The following EFL1 variants were observed in gnomAD, a reference collection of about 807,000 sequenced individuals.
EFL1 encodes the protein elongation factor-like GTPase 1.
In EFL1, 76 loss-of-function variants were observed where a neutral mutation model predicts 126.7. The ratio of observed to expected loss-of-function variants is 0.60; its 90% confidence interval spans 0.50 to 0.73. The LOEUF (loss-of-function observed/expected upper bound fraction) is 0.73. Ranked by LOEUF, EFL1 falls within the 30% of genes least tolerant of loss-of-function variation. EFL1 has a pLI of 0.00. For missense variants in EFL1, 1,128 were observed against 1,343.2 expected, an observed-to-expected ratio of 0.84 and a Z score of 2.50; for synonymous variants, 410 against 448.4, an observed-to-expected ratio of 0.91 and a Z score of 1.08.
At chr15:82,176,934 G>A (rs1471594615) in intron 15 of EFL1, among the ~76,000 whole-genome samples, 1 of 152,196 alleles carries the variant, frequency 6.6e-6, no homozygotes, top group African/African-American at 2.4e-5. Flanking sequence ...TAACATGAAT[G>A]AGCAAATCAC....
intron 15 of EFL1, among the ~76,000 whole-genome samples, 170 bp downstream of exon 15, chr15:82,214,547 A>G (rs917734050): frequency 6.6e-6 from 1 of 152,208 alleles, no homozygotes; most frequent in Admixed American, 6.5e-5. Context: ...ACAGCAAGAA[A>G]CTGATCTCCA....
chr15:82,173,089 G>A (rs1043422418), intron 15 of EFL1, among the ~76,000 whole-genome samples: 3 of 151,972 alleles, frequency 2.0e-5, no homozygotes, highest in Admixed American at 6.6e-5. Flanking sequence ...AAGTATTCAC[G>A]GTAATGTGTT....
intron 15 of EFL1, among the ~76,000 whole-genome samples, chr15:82,205,170 T>C (rs947182553): frequency 6.6e-6 from 1 of 152,218 alleles, no homozygotes; most frequent in Non-Finnish European, 1.5e-5. Flanking sequence ...AAATCATGAA[T>C]AGCCTATAGT....
At chr15:82,181,167 A>G (rs1595965041) in intron 15 of EFL1, among the ~76,000 whole-genome samples, 1 of 152,210 alleles carries the variant, frequency 6.6e-6, no homozygotes, top group East Asian at 1.9e-4. Context: ...TGAGTCTATT[A>G]GCAAATTTCC....
Position 82,151,581 on chromosome 15 carries a change from G to A in EFL1, c.2873C>T (p.Ser958Leu). The A allele has an allele frequency of 6.2e-7, 1 of 1,614,172 alleles. No homozygotes were observed. Among genetic ancestry groups the A allele is most frequent in the Non-Finnish European group, 8.5e-7 (1 of 1,180,034 alleles). The change falls in exon 18 of 20, where the codon TCA becomes TTA. Residue 958 changes from serine (S) to leucine (L), a missense_variant. Around this residue, in one of 6 missense-constraint regions of EFL1, gnomAD observed 561 missense variants for 641.7 expected, o/e 0.87. Transcript: ENST00000268206. The part of the protein sequence containing the change: ...SPLTDCYGPF[S>L]GQLIATMKEA... Reference sequence around the variant, plus strand: ...TTTCATGGTGGCAATTAGCTGTCCTGAGAAAGGTCCATAGCAGTCAGTGAG... The same window carrying A: ...TTTCATGGTGGCAATTAGCTGTCCTAAGAAAGGTCCATAGCAGTCAGTGAG...
intron 15 of EFL1, among the ~76,000 whole-genome samples, chr15:82,183,971 T>C (rs2141263376): frequency 6.6e-6 from 1 of 152,302 alleles, no homozygotes; most frequent in Non-Finnish European, 1.5e-5. Flanking sequence ...CATGCCTGTG[T>C]CCATGGTTTT....
intron 19 of EFL1, among the ~76,000 whole-genome samples, chr15:82,136,662 C>T (rs1310595006): frequency 6.6e-6 from 1 of 152,140 alleles, no homozygotes; most frequent in Non-Finnish European, 1.5e-5. Flanking sequence ...CTTTTAAAAC[C>T]CATCCCTTAT....
At position 82,152,322 on chromosome 15, in the gene EFL1, T is replaced by C. The variant is rs2292071; in HGVS notation, c.2132A>G (p.Lys711Arg). The change falls in exon 18 of 20, where the codon AAA becomes AGA. Residue 711 changes from lysine (K) to arginine (R), a missense_variant. Physicochemically the swap from Lys to Arg is conservative, Grantham distance 26 (BLOSUM62 2). This residue lies in a region of EFL1 where 561 missense variants were observed against 641.7 expected (regional missense o/e 0.87). Coordinates refer to ENST00000268206, the MANE Select transcript of EFL1 (RefSeq NM_024580.6). The part of the protein sequence containing the change: ...KVDMVNEEIG[K>R]QQKVAVIHQM... ...GTGTATGACTGCAACTTTTTGCTGT[T>C]TGCCTATTTCTTCATTGACCATGTC... The C allele has an allele frequency of 0.074, 119,051 of 1,613,996 alleles. 7,277 individuals carry two copies. The highest frequency in any genetic ancestry group is 0.31 in the African/African-American group (23,362 of 74,948).
chr15:82,259,253 A>C, intron 2 of EFL1, 98 bp from the exon 3 acceptor site: 1 of 1,098,456 alleles, frequency 9.1e-7, no homozygotes, highest in South Asian at 1.3e-5. Context: ...GAATTGGTTT[A>C]GTAAAGATTT....
chr15:82,197,729 A>G (rs1230454391), intron 15 of EFL1, among the ~76,000 whole-genome samples: 1 of 152,198 alleles, frequency 6.6e-6, no homozygotes, highest in East Asian at 1.9e-4. Context: ...GGGCAAGAGA[A>G]TGAAAAAAAG....
At chr15:82,175,619 T>C (rs1238462384) in intron 15 of EFL1, among the ~76,000 whole-genome samples, 1 of 152,154 alleles carries the variant, frequency 6.6e-6, no homozygotes, top group African/African-American at 2.4e-5. Flanking sequence ...GGCTCACGCA[T>C]GTAATCCCAG....
chr15:82,173,732 A>G (rs1223039069), intron 15 of EFL1, among the ~76,000 whole-genome samples: 1 of 152,192 alleles, frequency 6.6e-6, no homozygotes, highest in Non-Finnish European at 1.5e-5. Flanking sequence ...ATATATATGC[A>G]CAGAAAAAAA....
At chr15:82,204,773 T>C (rs1595981695) in intron 15 of EFL1, among the ~76,000 whole-genome samples, 1 of 152,226 alleles carries the variant, frequency 6.6e-6, no homozygotes, top group Non-Finnish European at 1.5e-5. Flanking sequence ...TAGTGTCTTA[T>C]TAGTTTAGCT....
chr15:82,145,070 G>A (rs1240379493), intron 18 of EFL1, among the ~76,000 whole-genome samples: 40 of 151,756 alleles, frequency 2.6e-4, no homozygotes, highest in South Asian at 1.7e-3. Flanking sequence ...TTGGGAGGCC[G>A]AGGCGGGTTG....
Position 82,229,031 on chromosome 15 carries a change from T to C in EFL1, c.932+3A>G. 1 of 1,608,194 alleles carries C rather than the reference T, an allele frequency of 6.2e-7. No individual in the cohort carries two copies. The highest frequency in any genetic ancestry group is 8.5e-7 in the Non-Finnish European group (1 of 1,177,698). ...GCCTAAAGGTAAACAATAAGAGTCT[T>C]ACTTTTTCAAAACAGCATCATACAA... is the stretch of plus-strand genomic sequence containing the variant. On this transcript the variant is annotated splice_donor_region_variant and intron_variant, in intron 9 of 19. Transcript: ENST00000268206.
At chr15:82,180,137 C>G (rs540446271) in intron 15 of EFL1, among the ~76,000 whole-genome samples, 1 of 152,188 alleles carries the variant, frequency 6.6e-6, no homozygotes, top group South Asian at 2.1e-4. Flanking sequence ...GTTGCTTCAG[C>G]ACCTCCAGCT....
chr15:82,237,509 C>T (rs2074885406), intron 7 of EFL1, among the ~76,000 whole-genome samples: 1 of 152,158 alleles, frequency 6.6e-6, no homozygotes, highest in African/African-American at 2.4e-5. Flanking sequence ...GTGACAACAC[C>T]AAACGTGAAC....
At chr15:82,203,673 T>C (rs1347583139) in intron 15 of EFL1, among the ~76,000 whole-genome samples, 2 of 152,236 alleles carry the variant, frequency 1.3e-5, no homozygotes, top group Non-Finnish European at 2.9e-5. Flanking sequence ...CCACCGCGCC[T>C]GGCCACATGT....
intron 14 of EFL1, among the ~76,000 whole-genome samples, chr15:82,219,066 C>T (rs2074680913): frequency 1.3e-5 from 2 of 152,186 alleles, no homozygotes; most frequent in South Asian, 4.2e-4. Flanking sequence ...CATCCTATGA[C>T]CTCTATTATT....
Sources: gnomAD v4.1 joint callset for allele counts (sites outside exome capture counted in the v4.1 genomes callset) on GRCh38, gnomAD v4.1.1 for gene constraint, gnomAD v4.1.1 regional missense constraint, MANE v1.5 for transcripts, NCBI Gene and HGNC (gene_info 2026-07-23, HGNC 2026-07-21) for gene names.